The following SLC24A2 variants were observed in gnomAD, a reference collection of about 807,000 sequenced individuals.
The protein encoded by SLC24A2 is solute carrier family 24 member 2.
In SLC24A2, 36 loss-of-function variants were observed where a neutral mutation model predicts 62.0. That is an observed-to-expected ratio of 0.58 (90% CI 0.44 to 0.77). SLC24A2 has a LOEUF of 0.77. Among genes scored for constraint, SLC24A2 ranks in the 30% least tolerant of loss-of-function variants. The probability of loss-of-function intolerance (pLI) is 0.00; values close to 1 mark genes in which losing one functional copy is unlikely to be tolerated. For synonymous variants in SLC24A2, 358 were observed against 294.0 expected (o/e 1.22, Z -2.23); for missense variants, 846 against 817.9 (o/e 1.03, Z -0.42).
rs1301539350 is a variant in SLC24A2, at chr9:19,550,121, A to C, written c.1479+16T>G. 2 of 1,612,578 alleles carry C rather than the reference A, an allele frequency of 1.2e-6. No homozygotes were observed. Among genetic ancestry groups the C allele is most frequent in the East Asian group, 4.5e-5 (2 of 44,832 alleles). On this transcript the variant is annotated intron_variant, in intron 8 of 10. Coordinates refer to ENST00000341998, the MANE Select transcript of SLC24A2 (RefSeq NM_020344.4). ...TATGTTTTACAAGGGAACTATTTTTAAAATGCTTTACTTACAGGTTTGCGA... is the reference window on the plus strand; with the variant it reads ...TATGTTTTACAAGGGAACTATTTTTCAAATGCTTTACTTACAGGTTTGCGA...
the SLC24A2 span, among the ~76,000 whole-genome samples, chr9:20,097,686 C>T: frequency 1.4e-5 from 2 of 141,330 alleles, 1 homozygote; most frequent in African/African-American, 5.2e-5. Context: ...AGAATAATGT[C>T]CAGATTGGAT....
chr9:19,754,242 C>T (rs1391285713), intron 2 of SLC24A2, among the ~76,000 whole-genome samples: 2 of 152,154 alleles, frequency 1.3e-5, no homozygotes, highest in Non-Finnish European at 2.9e-5. Context: ...CTCATTGCCT[C>T]CCCAGGACTA....
the SLC24A2 span, among the ~76,000 whole-genome samples, chr9:19,941,590 T>TGTGTGAGAGAGA: frequency 1.6e-4 from 21 of 127,980 alleles, no homozygotes; most frequent in African/African-American, 5.6e-4. Flanking sequence ...TGTGTGTGTG[T>TGTGTGAGAGAGA]GAGAGAGAGA....
chr9:19,962,332 GA>G, the SLC24A2 span, among the ~76,000 whole-genome samples: 183 of 152,294 alleles, frequency 1.2e-3, 1 homozygote, highest in Non-Finnish European at 2.0e-3. Flanking sequence ...GCTTAGGATT[GA>G]CTTGGCGATG....
chr9:20,232,151 G>A, the SLC24A2 span, among the ~76,000 whole-genome samples: 1 of 152,066 alleles, frequency 6.6e-6, no homozygotes, highest in African/African-American at 2.4e-5. Context: ...ATTTTATTGA[G>A]GATTTTTGCA....
intron 2 of SLC24A2, among the ~76,000 whole-genome samples, chr9:19,668,688 A>G (rs1329328015): frequency 6.6e-6 from 1 of 152,170 alleles, no homozygotes; most frequent in African/African-American, 2.4e-5. Flanking sequence ...GCTTGAAATA[A>G]TAGTTTCCTC....
chr9:19,740,223 A>G (rs2118761532), intron 2 of SLC24A2, among the ~76,000 whole-genome samples: 1 of 152,312 alleles, frequency 6.6e-6, no homozygotes, highest in Middle Eastern at 3.4e-3. Flanking sequence ...AATTCCATTC[A>G]TGGTATGTAC....
At chr9:20,129,299 G>C in the SLC24A2 span, among the ~76,000 whole-genome samples, 1 of 152,106 alleles carries the variant, frequency 6.6e-6, no homozygotes, top group East Asian at 1.9e-4. Flanking sequence ...AAGTGAGTTG[G>C]TGAAGACAAT....
chr9:20,164,654 A>G, the SLC24A2 span, among the ~76,000 whole-genome samples: 1 of 151,862 alleles, frequency 6.6e-6, no homozygotes, highest in Non-Finnish European at 1.5e-5. Context: ...AAAGGACTAT[A>G]AATCATGCTG....
the SLC24A2 span, among the ~76,000 whole-genome samples, chr9:19,862,577 A>T: frequency 1.3e-5 from 2 of 152,076 alleles, no homozygotes; most frequent in Non-Finnish European, 2.9e-5. Flanking sequence ...TGTATAAACT[A>T]CTCTTAAGTA....
chr9:20,241,791 T>C, the SLC24A2 span, among the ~76,000 whole-genome samples: 1 of 151,974 alleles, frequency 6.6e-6, no homozygotes, highest in African/African-American at 2.4e-5. Context: ...CCTGGGAAGA[T>C]GATCAACCCG....
intron 7 of SLC24A2, among the ~76,000 whole-genome samples, chr9:19,570,517 T>G (rs1453137333): frequency 6.6e-6 from 1 of 152,206 alleles, no homozygotes; most frequent in Non-Finnish European, 1.5e-5. Context: ...CACTCATTAT[T>G]TATACCCTGA....
the SLC24A2 span, among the ~76,000 whole-genome samples, chr9:20,305,912 T>C: frequency 6.6e-6 from 1 of 152,176 alleles, no homozygotes; most frequent in Non-Finnish European, 1.5e-5. Flanking sequence ...GCCTCTCTCC[T>C]TGACTTATAG....
the SLC24A2 span, among the ~76,000 whole-genome samples, chr9:20,063,482 G>A: frequency 7.9e-6 from 1 of 127,172 alleles, no homozygotes; most frequent in African/African-American, 2.9e-5. Context: ...TCACACTCTG[G>A]GGACTGTTGT....
intron 2 of SLC24A2, among the ~76,000 whole-genome samples, chr9:19,678,185 T>C (rs376913747): frequency 6.6e-6 from 1 of 152,222 alleles, no homozygotes; most frequent in African/African-American, 2.4e-5. Flanking sequence ...GCAGAGCAGG[T>C]GCTTAATAAC....
chr9:19,811,630 T>G, the SLC24A2 span, among the ~76,000 whole-genome samples: 1 of 152,242 alleles, frequency 6.6e-6, no homozygotes. Flanking sequence ...ATTTTTACAT[T>G]TATTTTTTAC....
intron 2 of SLC24A2, among the ~76,000 whole-genome samples, chr9:19,740,947 C>A (rs576956719): frequency 6.6e-6 from 1 of 151,642 alleles, no homozygotes; most frequent in Non-Finnish European, 1.5e-5. Flanking sequence ...ACTGGCCTCT[C>A]TCACTGAACC....
At chr9:19,726,824 C>T (rs1821186290) in intron 2 of SLC24A2, among the ~76,000 whole-genome samples, 1 of 152,184 alleles carries the variant, frequency 6.6e-6, no homozygotes, top group South Asian at 2.1e-4. Flanking sequence ...ACGTGATATA[C>T]ACAGCCTTTC....
At chr9:20,285,212 AATGTGACTGC>A in the SLC24A2 span, among the ~76,000 whole-genome samples, 1 of 152,220 alleles carries the variant, frequency 6.6e-6, no homozygotes, top group African/African-American at 2.4e-5. Context: ...CCTAACATCC[AATGTGACTGC>A]ATGTGGAAAT....
Sources: allele counts gnomAD v4.1 joint callset (sites outside exome capture counted in the v4.1 genomes callset), GRCh38; gene constraint gnomAD v4.1.1; transcripts MANE v1.5; gene names NCBI Gene and HGNC (gene_info 2026-07-23, HGNC 2026-07-21).